Variants in ARSB observed in about 807,000 individuals in gnomAD.
ARSB encodes the protein arylsulfatase B.
In ARSB, 41 loss-of-function variants were observed where a neutral mutation model predicts 50.9. The observed-to-expected ratio is 0.81, with a 90% CI of 0.63 to 1.04. The LOEUF (loss-of-function observed/expected upper bound fraction) is 1.04. ARSB is among the 50% of genes least tolerant of loss of function. The pLI, the probability that ARSB is intolerant of heterozygous loss-of-function variation, is 0.00. For missense variants in ARSB, 672 were observed against 693.3 expected (o/e 0.97, Z 0.35); for synonymous variants, 269 against 284.8 (o/e 0.94, Z 0.56).
intron 2 of ARSB, among the ~76,000 whole-genome samples, chr5:78,965,787 A>C (rs1018522437): frequency 2.6e-5 from 4 of 152,210 alleles, no homozygotes; most frequent in Non-Finnish European, 5.9e-5. Context: ...AGAGCTTTAC[A>C]TAGTTTATAT....
chr5:78,964,517 G>A lies in ARSB; in HGVS notation c.589C>T (p.Arg197Ter), dbSNP rs773460207. ...LNVTRCALDFRDGEEVATGYK... is the reference protein window; with the variant it reads ...LNVTRCALDF ...CCTGTTGCAACTTCTTCGCCATCTC[G>A]AAAATCAAGAGCACATCGTGTGACA... The change falls in exon 3 of 8, where the codon CGA becomes TGA. Residue 197 changes from arginine to a stop codon, truncating the protein, a stop_gained. Transcript: ENST00000264914. LOFTEE classifies it high-confidence loss of function. The A allele has an allele frequency of 4.3e-6, 7 of 1,613,932 alleles. No homozygotes were observed. Among genetic ancestry groups the A allele is most frequent in the South Asian group, 2.2e-5 (2 of 91,074 alleles).
At chr5:78,870,150 G>C (rs925290627) in intron 5 of ARSB, among the ~76,000 whole-genome samples, 6 of 148,172 alleles carry the variant, frequency 4.0e-5, no homozygotes, top group African/African-American at 1.5e-4. Flanking sequence ...AATAACAGGA[G>C]CTGAAATTGT....
intron 7 of ARSB, 90 bp from the exon 8 acceptor site, chr5:78,780,752 G>A: frequency 6.7e-7 from 1 of 1,490,080 alleles, no homozygotes; most frequent in Non-Finnish European, 9.2e-7. Context: ...AGGCTGCACT[G>A]GGTTGTGGGT....
At chr5:78,813,575 A>G (rs1743890425) in intron 6 of ARSB, among the ~76,000 whole-genome samples, 1 of 152,086 alleles carries the variant, frequency 6.6e-6, no homozygotes, top group African/African-American at 2.4e-5. Context: ...CTGGGCAGCA[A>G]AGTGAGTCCC....
chr5:78,818,598 C>CTTTTTTTTTTT lies in ARSB; in HGVS notation c.1213+20747_1213+20757dup, dbSNP rs775162579. Among the ~76,000 whole-genome samples the CTTTTTTTTTTT allele has an allele frequency of 2.7e-5, 2 of 74,188 alleles. 1 individual carries two copies. Among genetic ancestry groups the CTTTTTTTTTTT allele is most frequent in the Non-Finnish European group, 4.8e-5 (2 of 41,918 alleles). The allele number at this position is 74,188 out of a possible 152,430, so 48.7% of individuals were successfully genotyped here. ...TGGAAAGAACCCATAAAATAAAGCT[C>CTTTTTTTTTTT]TTTTTTTTTTTTTTTTTTTTTTTTT... On this transcript the variant is annotated intron_variant, in intron 6 of 7. Transcript: ENST00000264914.
At chr5:78,937,134 G>A (rs139181153) in intron 4 of ARSB, among the ~76,000 whole-genome samples, 6 of 151,632 alleles carry the variant, frequency 4.0e-5, no homozygotes, top group African/African-American at 1.2e-4. Flanking sequence ...TATAAGAAAC[G>A]GATTCATCTT....
intron 6 of ARSB, among the ~76,000 whole-genome samples, chr5:78,818,018 C>T (rs1470933308): frequency 1.2e-4 from 18 of 151,926 alleles, no homozygotes; most frequent in Admixed American, 7.9e-4. Context: ...CATGGCAGCA[C>T]GTACCTGTGG....
intron 6 of ARSB, among the ~76,000 whole-genome samples, chr5:78,809,760 C>T (rs113276361): frequency 6.6e-6 from 1 of 152,272 alleles, no homozygotes; most frequent in Non-Finnish European, 1.5e-5. Context: ...ACCTGCCCAT[C>T]GGACCTGGAG....
chr5:78,825,332 G>A (rs947607402), intron 6 of ARSB, among the ~76,000 whole-genome samples: 1 of 151,822 alleles, frequency 6.6e-6, no homozygotes, highest in East Asian at 1.9e-4. Flanking sequence ...TTCTAAATTG[G>A]TTTTCACTGT....
chr5:78,893,584 T>G lies in ARSB; in HGVS notation c.899-7757A>C, dbSNP rs59013060. ...TTGAAAACGTTTATTCTCTACAAGT[T>G]AAAATGGAACTGGAAACTGGAAAAC... is the stretch of plus-strand genomic sequence containing the variant. On this transcript the variant is annotated intron_variant, in intron 4 of 7. Coordinates refer to ENST00000264914, the MANE Select transcript of ARSB (RefSeq NM_000046.5). Among the ~76,000 whole-genome samples, 881 of 152,358 alleles carry G rather than the reference T, an allele frequency of 5.8e-3. 11 individuals carry two copies. Among genetic ancestry groups the G allele is most frequent in the African/African-American group, 0.021 (859 of 41,586 alleles).
intron 5 of ARSB, among the ~76,000 whole-genome samples, chr5:78,881,800 G>T (rs1747759272): frequency 6.6e-6 from 1 of 152,216 alleles, no homozygotes; most frequent in South Asian, 2.1e-4. Context: ...GGCCACCCTT[G>T]GCCCTCCGCA....
At chr5:78,868,330 C>T (rs1166709809) in intron 5 of ARSB, among the ~76,000 whole-genome samples, 5 of 95,812 alleles carry the variant, frequency 5.2e-5, no homozygotes, top group African/African-American at 1.3e-4. Flanking sequence ...AGATACTCCT[C>T]GAGAAGAGCA....
At chr5:78,919,653 C>T (rs1035959537) in intron 4 of ARSB, among the ~76,000 whole-genome samples, 1 of 151,912 alleles carries the variant, frequency 6.6e-6, no homozygotes, top group African/African-American at 2.4e-5. Context: ...CCACCACACC[C>T]GGATAATTTT....
chr5:78,905,048 C>T (rs918563014), intron 4 of ARSB, among the ~76,000 whole-genome samples: 1 of 152,080 alleles, frequency 6.6e-6, no homozygotes, highest in Non-Finnish European at 1.5e-5. Flanking sequence ...TTTATCAGCT[C>T]CATTCTGCTA....
rs115541202 is a variant in ARSB at position 78,921,923 on chromosome 5, G to A, written c.898+33372C>T. ...GTTCTTGGGGGAAGGAAGGTGTAGC[G>A]ATTGTGGGACTGTGCACTGGAACTC... On this transcript the variant is annotated intron_variant, in intron 4 of 7. Transcript: ENST00000264914. Among the ~76,000 whole-genome samples, 371 of 152,248 alleles carry A rather than the reference G, an allele frequency of 2.4e-3. 1 individual carries two copies. Among genetic ancestry groups the A allele is most frequent in the African/African-American group, 8.7e-3 (361 of 41,538 alleles).
intron 1 of ARSB, among the ~76,000 whole-genome samples, chr5:78,979,033 A>C (rs1296073353): frequency 6.6e-6 from 1 of 152,230 alleles, no homozygotes; most frequent in African/African-American, 2.4e-5. Flanking sequence ...CAGGAAAGTA[A>C]AAAGCAATCC....
At chr5:78,822,917 T>C (rs1467508279) in intron 6 of ARSB, among the ~76,000 whole-genome samples, 1 of 152,224 alleles carries the variant, frequency 6.6e-6, no homozygotes, top group African/African-American at 2.4e-5. Flanking sequence ...ATTACAGGCG[T>C]GAGCCAACAC....
At chr5:78,850,064 G>A (rs1745681724) in intron 5 of ARSB, among the ~76,000 whole-genome samples, 1 of 151,864 alleles carries the variant, frequency 6.6e-6, no homozygotes, top group Non-Finnish European at 1.5e-5. Context: ...TCCTTCTCCT[G>A]CCTAATTGCC....
chr5:78,805,368 G>A (rs16875951), intron 6 of ARSB, among the ~76,000 whole-genome samples: 24,829 of 152,200 alleles, frequency 0.16, 2,520 homozygotes, highest in African/African-American at 0.28. Flanking sequence ...AAACTGTTGT[G>A]ATTTTATACC....
Sources: allele counts gnomAD v4.1 joint callset (sites outside exome capture counted in the v4.1 genomes callset), GRCh38; gene constraint gnomAD v4.1.1; transcripts MANE v1.5; gene names NCBI Gene and HGNC (gene_info 2026-07-23, HGNC 2026-07-21).